The following CRYZ variants were observed in gnomAD, a reference collection of about 807,000 sequenced individuals.
CRYZ encodes crystallin zeta.
CRYZ carries 35 observed loss-of-function variants against 34.1 expected under a neutral mutation model. The observed-to-expected ratio is 1.03, with a 90% CI of 0.78 to 1.36. The LOEUF (loss-of-function observed/expected upper bound fraction) is 1.36, where lower values mean the gene tolerates loss of function less well. Ranked by LOEUF, CRYZ falls within the 40% of genes most tolerant of loss-of-function variation. The pLI is 0.00. For synonymous variants in CRYZ, 137 were observed against 136.5 expected, an observed-to-expected ratio of 1.00 and a Z score of -0.03; for missense variants, 403 against 391.8, an observed-to-expected ratio of 1.03 and a Z score of -0.24.
chr1:74,726,415 C>G (rs969483373), intron 1 of CRYZ, among the ~76,000 whole-genome samples: 1 of 152,168 alleles, frequency 6.6e-6, no homozygotes, highest in Non-Finnish European at 1.5e-5. Flanking sequence ...GAAGAAATGG[C>G]CTGATCTGTA....
chr1:74,709,064 A>C (rs772767734), intron 6 of CRYZ, among the ~76,000 whole-genome samples: 4 of 152,104 alleles, frequency 2.6e-5, no homozygotes, highest in Non-Finnish European at 5.9e-5. Context: ...GCTATAAGCA[A>C]AACTGCAGTG....
In CRYZ at chr1:74,706,294, C is replaced by T. The variant is rs749398052; in HGVS notation, c.*2G>A. On this transcript the variant is annotated 3_prime_UTR_variant, in exon 9 of 9. Coordinates refer to ENST00000340866, the MANE Select transcript of CRYZ (RefSeq NM_001889.4). ...ATAGGAAATCCATGAAAGAATTAAT[C>T]ATCATAAGAGAAGAATCATTTTTCC... 6.3e-7 allele frequency: 1 copy of T among 1,598,454 alleles called. No individual in the cohort carries two copies.
At position 74,724,813 on chromosome 1, in the gene CRYZ, A is replaced by G. The variant is rs1220575194; in HGVS notation, c.9T>C (p.Thr3=). 6.2e-7 allele frequency: 1 copy of G among 1,607,560 alleles called. No homozygotes were observed. Among genetic ancestry groups the G allele is most frequent in the Non-Finnish European group, 8.5e-7 (1 of 1,176,196 alleles). ...TAACAGCTCTCATCAACTTCTGTCC[A>G]GTCGCCATGGTGATCTAGATACTAA... The part of the protein sequence containing the change: MA[T]GQKLMRAVRV... Residue 3 remains threonine (T), a synonymous_variant, in exon 2 of 9, where the codon ACT becomes ACC. Coordinates refer to ENST00000340866, the MANE Select transcript of CRYZ (RefSeq NM_001889.4).
rs1159946809 is a variant in CRYZ at position 74,706,292 on chromosome 1, A to C, written c.*4T>G. On this transcript the variant is annotated 3_prime_UTR_variant, in exon 9 of 9. Transcript: ENST00000340866. ...ACATAGGAAATCCATGAAAGAATTA[A>C]TCATCATAAGAGAAGAATCATTTTT... 1 of 1,595,784 alleles carries C rather than the reference A, an allele frequency of 6.3e-7. No individual in the cohort carries two copies. Among genetic ancestry groups the C allele is most frequent in the Non-Finnish European group, 8.5e-7 (1 of 1,173,084 alleles).
chr1:74,725,284 G>A (rs1271266001), intron 1 of CRYZ, among the ~76,000 whole-genome samples: 2 of 152,136 alleles, frequency 1.3e-5, no homozygotes, highest in Non-Finnish European at 2.9e-5. Context: ...ACTGGTGACT[G>A]GATAATTTAT....
In CRYZ at chr1:74,705,526, C is replaced by G. The variant is rs188933100; in HGVS notation, c.*770G>C. Reference sequence around the variant, plus strand: ...GACTTTATTACACATTATTATGTTACGAGACAAATGCAGATAATTCTTAAT... The same window carrying G: ...GACTTTATTACACATTATTATGTTAGGAGACAAATGCAGATAATTCTTAAT... On this transcript the variant is annotated 3_prime_UTR_variant, in exon 9 of 9. Coordinates refer to ENST00000340866, the MANE Select transcript of CRYZ (RefSeq NM_001889.4). 2 of 152,004 alleles carry G rather than the reference C, an allele frequency of 1.3e-5. No homozygotes were observed. The highest frequency in any genetic ancestry group is 2.4e-5 in the African/African-American group (1 of 41,390). 9.4% of individuals were successfully genotyped at this position (152,004 alleles called of 1,614,324 possible).
intron 5 of CRYZ, 137 bp downstream of exon 5, chr1:74,714,442 A>G (rs1647044078): frequency 1.4e-6 from 1 of 732,798 alleles, no homozygotes; most frequent in Non-Finnish European, 2.2e-6. Context: ...GACCAAAATC[A>G]AAAGTTTTAC....
At chr1:74,716,197 C>CGTGT (rs946657951) in intron 4 of CRYZ, among the ~76,000 whole-genome samples, 54 of 150,604 alleles carry the variant, frequency 3.6e-4, no homozygotes, top group African/African-American at 1.1e-3. Context: ...TCTGTGTGCG[C>CGTGT]GTGTGTGTGT....
intron 1 of CRYZ, among the ~76,000 whole-genome samples, chr1:74,727,966 C>T (rs543626355): frequency 6.6e-6 from 1 of 152,220 alleles, no homozygotes; most frequent in Non-Finnish European, 1.5e-5. Context: ...CATTTAATAC[C>T]ACTTCTACAT....
In CRYZ at chr1:74,711,667, C is replaced by T. The variant is rs1647005705; in HGVS notation, c.481-1420G>A. ...GTGGGAGGCTGAGGCAGGAGGATCG[C>T]TTGGGCCCAGGAATTTGAGGAGTTT... On this transcript the variant is annotated intron_variant, in intron 5 of 8. Coordinates refer to ENST00000340866, the MANE Select transcript of CRYZ (RefSeq NM_001889.4). Among the ~76,000 whole-genome samples the T allele has an allele frequency of 2.0e-5, 3 of 152,074 alleles. No homozygotes were observed. The South Asian group carries it at 6.2e-4, about 32-fold the overall frequency.
intron 1 of CRYZ, among the ~76,000 whole-genome samples, chr1:74,729,157 G>C (rs1219786800): frequency 2.7e-5 from 4 of 148,926 alleles, no homozygotes; most frequent in African/African-American, 5.0e-5. Flanking sequence ...TCAACATGAC[G>C]TTACGGAAAG....
At position 74,732,973 on chromosome 1, in the gene CRYZ, A is replaced by C; in HGVS notation, c.-31T>G. 2.2e-6 allele frequency: 1 copy of C among 464,070 alleles called. No individual in the cohort carries two copies. Among genetic ancestry groups the C allele is most frequent in the Non-Finnish European group, 3.8e-6 (1 of 261,712 alleles). 28.7% of individuals were successfully genotyped at this position (464,070 alleles called of 1,614,324 possible). ...CCACTTACCAGAATCTAGAGTGGGAATTAAAATCTGCGTGGGCTTCTTCAG... is the reference window on the plus strand; with the variant it reads ...CCACTTACCAGAATCTAGAGTGGGACTTAAAATCTGCGTGGGCTTCTTCAG... On this transcript the variant is annotated 5_prime_UTR_variant, in exon 1 of 9. Coordinates refer to ENST00000340866, the MANE Select transcript of CRYZ (RefSeq NM_001889.4).
chr1:74,707,319 CTT>C, intron 6 of CRYZ, 115 bp from the exon 7 acceptor site: 1 of 623,870 alleles, frequency 1.6e-6, no homozygotes, highest in Middle Eastern at 4.4e-4. Context: ...AATGCTACAT[CTT>C]TGAGACTAAT....
At chr1:74,717,580 T>A (rs771463836) in intron 4 of CRYZ, among the ~76,000 whole-genome samples, 1 of 152,212 alleles carries the variant, frequency 6.6e-6, no homozygotes, top group African/African-American at 2.4e-5. Flanking sequence ...AAGAACTTTA[T>A]ACACATTACC....
At chr1:74,710,363 G>A (rs1237913262) in intron 5 of CRYZ, 116 bp from the exon 6 acceptor site, 1 of 878,856 alleles carries the variant, frequency 1.1e-6, no homozygotes. Flanking sequence ...AGGAACTTAA[G>A]AGTGTAAATG....
chr1:74,715,284 C>G (rs1266188095), intron 4 of CRYZ, among the ~76,000 whole-genome samples: 2 of 152,284 alleles, frequency 1.3e-5, no homozygotes, highest in South Asian at 4.1e-4. Flanking sequence ...ACTTCCAGTT[C>G]ACATGACTAC....
In CRYZ at chr1:74,706,768, G is replaced by A. The variant is rs981160443; in HGVS notation, c.828+131C>T. 76 of 753,166 alleles carry A rather than the reference G, an allele frequency of 1.0e-4. No homozygotes were observed. The African/African-American group carries it at 1.3e-3, about 13-fold the overall frequency. The allele number at this position is 753,166 out of a possible 1,614,324, so 46.7% of individuals were successfully genotyped here. A position where few individuals can be genotyped will look rare whatever the true frequency, so the allele number is the denominator to read the frequency against. ...TACTGTCACCCTAGTTGTCCTTCTGGTGACTAATCCTTACCAACTCCCACT... is the reference window on the plus strand; with the variant it reads ...TACTGTCACCCTAGTTGTCCTTCTGATGACTAATCCTTACCAACTCCCACT... On this transcript the variant is annotated intron_variant, in intron 8 of 8. Transcript: ENST00000340866.
intron 3 of CRYZ, among the ~76,000 whole-genome samples, chr1:74,721,205 T>C (rs1647157499): frequency 6.6e-6 from 1 of 152,132 alleles, no homozygotes; most frequent in Non-Finnish European, 1.5e-5. Context: ...TGAAAAGAAA[T>C]TGAAGCTAAA....
intron 6 of CRYZ, among the ~76,000 whole-genome samples, chr1:74,709,821 A>C (rs961823583): frequency 2.0e-5 from 3 of 152,216 alleles, no homozygotes; most frequent in Non-Finnish European, 2.9e-5. Flanking sequence ...TTTACTTAGA[A>C]TGTTATTTGC....
Sources: allele counts gnomAD v4.1 joint callset (sites outside exome capture counted in the v4.1 genomes callset), GRCh38; gene constraint gnomAD v4.1.1; transcripts MANE v1.5; gene names NCBI Gene and HGNC (gene_info 2026-07-23, HGNC 2026-07-21).